KLRG2: variants seen among roughly 807,000 people sequenced by gnomAD.
KLRG2 encodes killer cell lectin like receptor G2.
KLRG2 carries 39 observed loss-of-function variants against 35.4 expected under a neutral mutation model. The ratio of observed to expected loss-of-function variants is 1.10; its 90% CI spans 0.85 to 1.44. The LOEUF (loss-of-function observed/expected upper bound fraction) is 1.44, where lower values mean the gene tolerates loss of function less well. Among genes scored for constraint, KLRG2 ranks in the 40% most tolerant of loss-of-function variants. The pLI is 0.00. For synonymous variants in KLRG2, 283 were observed against 265.8 expected (o/e 1.06, Z -0.63); for missense variants, 632 against 570.9 (o/e 1.11, Z -1.09).
At chr7:139,475,733 G>A (rs1418397304) in intron 3 of KLRG2, among the ~76,000 whole-genome samples, 8 of 152,056 alleles carry the variant, frequency 5.3e-5, no homozygotes. Flanking sequence ...AGCTGCTCTA[G>A]CAAATTAATC....
chr7:139,445,803 A>ATATATATATATG, the KLRG2 span, among the ~76,000 whole-genome samples: 2 of 116,046 alleles, frequency 1.7e-5, no homozygotes, highest in Admixed American at 8.1e-5. Flanking sequence ...GTGTGTATAT[A>ATATATATATATG]TATATGACGG....
At chr7:139,473,009 C>T (rs1024816883) in intron 3 of KLRG2, among the ~76,000 whole-genome samples, 14 of 152,300 alleles carry the variant, frequency 9.2e-5, no homozygotes, top group Non-Finnish European at 1.6e-4. Flanking sequence ...GAAGGGGATG[C>T]GGTGGCTCGC....
intron 1 of KLRG2, 53 bp from the exon 2 acceptor site, chr7:139,480,300 C>T (rs1340694374): frequency 2.3e-5 from 23 of 1,006,432 alleles, no homozygotes; most frequent in Non-Finnish European, 3.6e-5. Flanking sequence ...TCCCAACCAA[C>T]CCAACTCAGA....
the KLRG2 span, among the ~76,000 whole-genome samples, chr7:139,433,834 AC>A: frequency 6.7e-6 from 1 of 149,622 alleles, no homozygotes; most frequent in African/African-American, 2.5e-5. Context: ...CAGGGTTTCA[AC>A]CATGTTGGCC....
chr7:139,453,327 A>G lies in KLRG2; in HGVS notation c.*260T>C, dbSNP rs1383215688. On this transcript the variant is annotated 3_prime_UTR_variant, in exon 5 of 5. Coordinates refer to ENST00000340940, the MANE Select transcript of KLRG2 (RefSeq NM_198508.4). ...ACAGAAATGCTAAACAACCATCCCA[A>G]TGTCATCAAACCGATCATCCACAGA... 1.9e-6 allele frequency: 1 copy of G among 524,086 alleles called. No individual in the cohort carries two copies. Among genetic ancestry groups the G allele is most frequent in the South Asian group, 3.0e-5 (1 of 33,346 alleles). The allele number at this position is 524,086 out of a possible 1,614,324, so 32.5% of individuals were successfully genotyped here. A position where few individuals can be genotyped will look rare whatever the true frequency, so the allele number is the denominator to read the frequency against.
chr7:139,466,653 G>T (rs1466958095), intron 3 of KLRG2, among the ~76,000 whole-genome samples: 4 of 151,454 alleles, frequency 2.6e-5, no homozygotes, highest in Non-Finnish European at 5.9e-5. Context: ...TCTCCTAGCC[G>T]TTTCTAATCC....
intron 3 of KLRG2, among the ~76,000 whole-genome samples, chr7:139,471,175 A>G (rs1796748249): frequency 1.3e-5 from 2 of 152,112 alleles, no homozygotes; most frequent in South Asian, 2.1e-4. Flanking sequence ...AGACAAAGTT[A>G]CATATCATAG....
At chr7:139,472,514 G>T (rs1796775179) in intron 3 of KLRG2, among the ~76,000 whole-genome samples, 1 of 151,840 alleles carries the variant, frequency 6.6e-6, no homozygotes, top group African/African-American at 2.4e-5. Context: ...GGAGGTCAGG[G>T]CAGGAAGATC....
At chr7:139,482,043 C>T (rs756846349) in intron 1 of KLRG2, among the ~76,000 whole-genome samples, 2 of 152,206 alleles carry the variant, frequency 1.3e-5, no homozygotes, top group Non-Finnish European at 2.9e-5. Context: ...CTTTTGTGGG[C>T]TCTTTCTTCT....
the KLRG2 span, among the ~76,000 whole-genome samples, chr7:139,441,257 T>C: frequency 6.6e-6 from 1 of 151,954 alleles, no homozygotes; most frequent in East Asian, 1.9e-4. Flanking sequence ...ATAAAGAAAA[T>C]GTGGCACATA....
chr7:139,431,658 A>C, the KLRG2 span, among the ~76,000 whole-genome samples: 1 of 152,186 alleles, frequency 6.6e-6, no homozygotes, highest in African/African-American at 2.4e-5. Context: ...CCACTACATA[A>C]GCTGGGGCTG....
At chr7:139,457,811 T>C (rs978753588) in intron 3 of KLRG2, among the ~76,000 whole-genome samples, 5 of 152,080 alleles carry the variant, frequency 3.3e-5, no homozygotes, top group Non-Finnish European at 5.9e-5. Context: ...AGACTCCTGA[T>C]CTCATTGTTA....
intron 3 of KLRG2, among the ~76,000 whole-genome samples, chr7:139,462,317 C>T (rs939521578): frequency 1.3e-5 from 2 of 152,098 alleles, no homozygotes; most frequent in African/African-American, 2.4e-5. Context: ...TTCTTGGGGG[C>T]AAGCACCCCT....
the KLRG2 span, among the ~76,000 whole-genome samples, chr7:139,440,151 C>T: frequency 9.8e-5 from 15 of 152,294 alleles, no homozygotes; most frequent in Admixed American, 6.5e-4. Flanking sequence ...GCTCTGTCGC[C>T]CAGGCTGGAG....
At chr7:139,445,125 G>A in the KLRG2 span, among the ~76,000 whole-genome samples, 492 of 151,158 alleles carry the variant, frequency 3.3e-3, 4 homozygotes, top group Non-Finnish European at 1.4e-3. Context: ...CTTTCACCCA[G>A]GCTAGAGTGC....
the KLRG2 span, among the ~76,000 whole-genome samples, chr7:139,429,526 C>CGCAGT: frequency 1.3e-5 from 2 of 151,628 alleles, no homozygotes; most frequent in African/African-American, 2.4e-5. Flanking sequence ...TGCGGCCTTC[C>CGCAGT]GCAGTGTTTG....
At chr7:139,454,843 TAATAATAATAATAA>T (rs1484778359) in intron 3 of KLRG2, among the ~76,000 whole-genome samples, 9 of 136,714 alleles carry the variant, frequency 6.6e-5, no homozygotes, top group South Asian at 4.5e-4. Context: ...ATAATAATAA[TAATAATAATAATAA>T]TAATAATAAC....
In KLRG2 at chr7:139,483,080, A is replaced by G; in HGVS notation, c.563T>C (p.Leu188Pro). ...QGGTWGRRSPLAAARTESGCD... is the reference protein window; with the variant it reads ...QGGTWGRRSPPAAARTESGCD... The stretch of plus-strand genomic sequence containing the variant: ...GCCGCTCTCCGTCCGGGCTGCAGCC[A>G]GCGGCGAGCGGCGGCCCCACGTGCC... Residue 188 changes from leucine to proline, a missense_variant, in exon 1 of 5, where the codon CTG (leucine) becomes CCG (proline). Leu to Pro is a moderately conservative substitution (Grantham distance 98). Transcript: ENST00000340940. 1 of 1,420,318 alleles carries G rather than the reference A, an allele frequency of 7.0e-7. No homozygotes were observed. Among genetic ancestry groups the G allele is most frequent in the Non-Finnish European group, 9.1e-7 (1 of 1,097,594 alleles). The allele number at this position is 1,420,318 out of a possible 1,614,324, so 88.0% of individuals were successfully genotyped here. A position where few individuals can be genotyped will look rare whatever the true frequency, so the allele number is the denominator to read the frequency against.
At chr7:139,465,839 T>A (rs1412282757) in intron 3 of KLRG2, among the ~76,000 whole-genome samples, 2 of 152,138 alleles carry the variant, frequency 1.3e-5, no homozygotes, top group African/African-American at 4.8e-5. Flanking sequence ...CCAACTTCTA[T>A]CCCTCATGGC....
Sources: gnomAD v4.1 joint callset for allele counts (sites outside exome capture counted in the v4.1 genomes callset) on GRCh38, gnomAD v4.1.1 for gene constraint, MANE v1.5 for transcripts, NCBI Gene and HGNC (gene_info 2026-07-23, HGNC 2026-07-21) for gene names.